The following PWP1 variants were observed in gnomAD, a reference collection of about 807,000 sequenced individuals.
PWP1 encodes PWP1 homolog, endonuclein, also known as periodic tryptophan protein 1 homolog.
PWP1 carries 47 observed loss-of-function variants against 69.9 expected under a neutral mutation model. The ratio of observed to expected loss-of-function variants is 0.67; its 90% confidence interval spans 0.53 to 0.86. The LOEUF (loss-of-function observed/expected upper bound fraction) is 0.86, where lower values mean the gene tolerates loss of function less well. Among genes scored for constraint, PWP1 ranks in the 40% least tolerant of loss-of-function variants. The pLI is 0.00. For missense variants in PWP1, 551 were observed against 608.8 expected (o/e 0.91, Z 1.00); for synonymous variants, 222 against 208.2 (o/e 1.07, Z -0.57).
intron 14 of PWP1, among the ~76,000 whole-genome samples, 177 bp downstream of exon 14, chr12:107,710,687 TCTC>T (rs1464292709): frequency 6.6e-6 from 1 of 152,096 alleles, no homozygotes; most frequent in Non-Finnish European, 1.5e-5. Flanking sequence ...CATGCTGGCC[TCTC>T]CTCTTTCTGA....
At chr12:107,711,956 C>T (rs1376551354) in intron 14 of PWP1, among the ~76,000 whole-genome samples, 155 bp from the exon 15 acceptor site, 2 of 152,164 alleles carry the variant, frequency 1.3e-5, no homozygotes, top group Non-Finnish European at 2.9e-5. Context: ...AAAAATAATT[C>T]ACTTCATTCA....
At chr12:107,698,398 C>T (rs962326441) in intron 7 of PWP1, among the ~76,000 whole-genome samples, 3 of 151,996 alleles carry the variant, frequency 2.0e-5, no homozygotes, top group East Asian at 1.9e-4. Context: ...TAGTAGCTCA[C>T]GCCTATAGTC....
At chr12:107,687,402 C>T (rs11113439) in intron 1 of PWP1, among the ~76,000 whole-genome samples, 28,217 of 152,156 alleles carry the variant, frequency 0.19, 3,675 homozygotes, top group East Asian at 0.53. Context: ...AAATCTCACA[C>T]TTGGGGAGGT....
intron 5 of PWP1, among the ~76,000 whole-genome samples, chr12:107,694,599 T>C (rs1889546914): frequency 6.6e-6 from 1 of 152,244 alleles, no homozygotes; most frequent in Non-Finnish European, 1.5e-5. Flanking sequence ...TTGATATCTT[T>C]GAACTTTTAC....
chr12:107,709,258 TTTTA>T (rs1414710009), intron 13 of PWP1, 26 bp downstream of exon 13: 3 of 1,607,402 alleles, frequency 1.9e-6, no homozygotes, highest in Non-Finnish European at 2.6e-6. Flanking sequence ...GGTATCTGTT[TTTTA>T]TTTATTCTGT....
intron 1 of PWP1, chr12:107,686,263 G>C: frequency 2.0e-6 from 1 of 507,876 alleles, no homozygotes. Flanking sequence ...GTGGGCTGCT[G>C]TTTTTGGTGG....
chr12:107,700,710 G>A (rs1025061229), intron 8 of PWP1, among the ~76,000 whole-genome samples: 1 of 152,050 alleles, frequency 6.6e-6, no homozygotes, highest in African/African-American at 2.4e-5. Flanking sequence ...TGAATCTTAT[G>A]GTAATTCTAT....
intron 5 of PWP1, among the ~76,000 whole-genome samples, chr12:107,694,437 T>C (rs778802822): frequency 2.0e-5 from 3 of 152,218 alleles, no homozygotes; most frequent in Non-Finnish European, 4.4e-5. Flanking sequence ...TCATCATGGC[T>C]TCCATTGATT....
chr12:107,698,511 G>C (rs1157366399), intron 7 of PWP1, among the ~76,000 whole-genome samples: 1 of 152,206 alleles, frequency 6.6e-6, no homozygotes, highest in Non-Finnish European at 1.5e-5. Flanking sequence ...CTGGGTGACA[G>C]AGCGAGATTT....
intron 3 of PWP1, among the ~76,000 whole-genome samples, chr12:107,692,358 G>A (rs1482841609): frequency 6.6e-6 from 1 of 152,184 alleles, no homozygotes; most frequent in Non-Finnish European, 1.5e-5. Context: ...GTGCAGTAGA[G>A]CAACCTGGTT....
intron 1 of PWP1, chr12:107,686,188 C>G (rs1237587382): frequency 5.0e-6 from 3 of 599,944 alleles, no homozygotes; most frequent in Non-Finnish European, 8.9e-6. Flanking sequence ...TCTCACTGTT[C>G]CCACCCTCAA....
chr12:107,697,388 T>C (rs942298335), intron 6 of PWP1, 79 bp from the exon 7 acceptor site: 1 of 1,383,346 alleles, frequency 7.2e-7, no homozygotes, highest in African/African-American at 1.5e-5. Context: ...TTTCAGTTAA[T>C]CTACAGTATA....
chr12:107,710,656 G>A, intron 14 of PWP1, 146 bp downstream of exon 14: 1 of 1,313,224 alleles, frequency 7.6e-7, no homozygotes, highest in African/African-American at 1.5e-5. Context: ...CTGTATAGCT[G>A]GGATTACAGG....
At chr12:107,704,809 AGTAG>A (rs1249923728) in intron 11 of PWP1, 62 bp downstream of exon 11, 30 of 1,313,382 alleles carry the variant, frequency 2.3e-5, no homozygotes, top group Middle Eastern at 1.8e-4. Context: ...TAAATTCCAT[AGTAG>A]AGAGAATTAT....
At chr12:107,707,423 C>G (rs2136286539) in intron 11 of PWP1, among the ~76,000 whole-genome samples, 1 of 152,320 alleles carries the variant, frequency 6.6e-6, no homozygotes, top group East Asian at 1.9e-4. Context: ...GCCAGAACTT[C>G]CAACACTGTG....
intron 6 of PWP1, 130 bp from the exon 7 acceptor site, chr12:107,697,337 G>A (rs188924446): frequency 1.0e-4 from 85 of 823,888 alleles, no homozygotes; most frequent in Non-Finnish European, 1.4e-4. Context: ...TTCAGATGCC[G>A]CATATGCATA....
At chr12:107,710,942 G>C (rs1394085368) in intron 14 of PWP1, among the ~76,000 whole-genome samples, 2 of 152,086 alleles carry the variant, frequency 1.3e-5, no homozygotes, top group Non-Finnish European at 2.9e-5. Flanking sequence ...CGGTTGGGGA[G>C]ACCCTAACCC....
intron 7 of PWP1, among the ~76,000 whole-genome samples, chr12:107,698,878 C>T (rs1022374006): frequency 7.2e-5 from 11 of 152,220 alleles, no homozygotes; most frequent in South Asian, 2.1e-4. Context: ...CAGTGTGGGC[C>T]GCTGCACCCA....
At position 107,689,580 on chromosome 12, in the gene PWP1, T is replaced by C. The variant is rs533659127; in HGVS notation, c.319+778T>C. On this transcript the variant is annotated intron_variant, in intron 3 of 14. Coordinates refer to ENST00000412830, the MANE Select transcript of PWP1 (RefSeq NM_007062.3). ...GGCCAACATGGCGAAACCCTGTCTC[T>C]ACTAAAAATACAAAACTTAGCCAGG... is the stretch of plus-strand genomic sequence containing the variant. Among the ~76,000 whole-genome samples the C allele has an allele frequency of 9.8e-5, 15 of 152,306 alleles. No individual in the cohort carries two copies. In the South Asian group the frequency reaches 3.1e-3, roughly 32 times the overall value.
Sources: allele counts gnomAD v4.1 joint callset (sites outside exome capture counted in the v4.1 genomes callset), GRCh38; gene constraint gnomAD v4.1.1; transcripts MANE v1.5; gene names NCBI Gene and HGNC (gene_info 2026-07-23, HGNC 2026-07-21).